Variants in CUZD1 observed in about 807,000 individuals in gnomAD.
The protein encoded by CUZD1 is CUB and zona pellucida like domains 1.
In CUZD1, 42 loss-of-function variants were observed where a neutral mutation model predicts 53.1. That is an observed-to-expected ratio of 0.79 (90% CI 0.62 to 1.02). The LOEUF is 1.02. Among genes scored for constraint, CUZD1 ranks in the 50% least tolerant of loss-of-function variants. The probability of loss-of-function intolerance (pLI) is 0.00; values close to 1 mark genes in which losing one functional copy is unlikely to be tolerated. For synonymous variants in CUZD1, 238 were observed against 257.2 expected, an observed-to-expected ratio of 0.93 and a Z score of 0.71; for missense variants, 670 against 715.7, an observed-to-expected ratio of 0.94 and a Z score of 0.73.
intron 5 of CUZD1, 72 bp downstream of exon 5, chr10:122,836,758 TA>T (rs1566232319): frequency 8.0e-7 from 1 of 1,253,980 alleles, no homozygotes; most frequent in Non-Finnish European, 1.2e-6. Flanking sequence ...ACAGGTAGGC[TA>T]AAAATTAACA....
Position 122,836,163 on chromosome 10 carries a change from A to G in CUZD1, c.990+15T>C. ...CAGCATTTGACAAAATCCAGCTATC[A>G]GTATTTCACTTTACCTTTCTGATTG... On this transcript the variant is annotated intron_variant, in intron 6 of 8. Transcript: ENST00000392790. 6.3e-7 allele frequency: 1 copy of G among 1,587,484 alleles called. No homozygotes were observed. Among genetic ancestry groups the G allele is most frequent in the Non-Finnish European group, 8.5e-7 (1 of 1,169,768 alleles).
At chr10:122,832,709 C>G (rs1847179011) in intron 8 of CUZD1, among the ~76,000 whole-genome samples, 1 of 151,892 alleles carries the variant, frequency 6.6e-6, no homozygotes, top group African/African-American at 2.4e-5. Context: ...AACACTCAAG[C>G]ATAACAGTCA....
chr10:122,838,634 A>AGAAGATACCAGGG (rs1266058046), intron 3 of CUZD1, among the ~76,000 whole-genome samples: 43 of 152,310 alleles, frequency 2.8e-4, no homozygotes, highest in Admixed American at 1.1e-3. Flanking sequence ...CTGAAGAGGC[A>AGAAGATACCAGGG]TTGCAGAAGA....
At chr10:122,833,203 C>A (rs865776288) in intron 8 of CUZD1, among the ~76,000 whole-genome samples, 1 of 152,032 alleles carries the variant, frequency 6.6e-6, no homozygotes, top group South Asian at 2.1e-4. Context: ...AGGTTTCAAG[C>A]CTTTCAAAAG....
intron 7 of CUZD1, 96 bp downstream of exon 7, chr10:122,834,610 A>G (rs1847216661): frequency 1.0e-6 from 1 of 974,560 alleles, no homozygotes; most frequent in Admixed American, 2.9e-5. Flanking sequence ...AGTGCTAGGA[A>G]AAATGTATAT....
Position 122,841,215 on chromosome 10 carries a change from C to G in CUZD1, c.196G>C (p.Glu66Gln), listed in dbSNP as rs1371794214. Residue 66 changes from glutamate (E) to glutamine (Q), a missense_variant, in exon 2 of 9, where the codon GAA becomes CAA. Transcript: ENST00000392790. ...AAGATAATTCTGATGCTTTTGTTTT[C>G]TGGTCTTTCTATTGTCCAGGTGCAG... ...ENCTWTIERP[E>Q]NKSIRIIFSY... 6.2e-7 allele frequency: 1 copy of G among 1,613,808 alleles called. No homozygotes were observed.
In CUZD1 at chr10:122,832,443, C is replaced by A. The variant is rs201620290; in HGVS notation, c.1659G>T (p.Gln553His). The A allele has an allele frequency of 6.2e-7, 1 of 1,612,596 alleles. No individual in the cohort carries two copies. Among genetic ancestry groups the A allele is most frequent in the Non-Finnish European group, 8.5e-7 (1 of 1,179,368 alleles). Residue 553 changes from glutamine (Q) to histidine (H), a missense_variant, in exon 9 of 9, where the codon CAG (glutamine) becomes CAT (histidine). Gln to His is a conservative substitution (Grantham distance 24). Coordinates refer to ENST00000392790, the MANE Select transcript of CUZD1 (RefSeq NM_022034.6). ...GAGTTTCTTCCGCATGTGTTTCATG[C>A]TGAAATCCTAAAATTGGAAACAAGA... ...DRSASGNSGF[Q>H]HETHAEETPN...
chr10:122,843,169 G>T (rs140753988), intron 1 of CUZD1, among the ~76,000 whole-genome samples: 4 of 152,038 alleles, frequency 2.6e-5, no homozygotes, highest in African/African-American at 9.7e-5. Context: ...TATATTCATC[G>T]CAACATTAGT....
In CUZD1 at chr10:122,832,428, C is replaced by T. The variant is rs150722442; in HGVS notation, c.1674G>A (p.Ala558=). The change falls in exon 9 of 9, where the codon GCG becomes GCA. Residue 558 remains alanine (A), a synonymous_variant. Coordinates refer to ENST00000392790, the MANE Select transcript of CUZD1 (RefSeq NM_022034.6). ...TGAAAGGCTGGTTTGGAGTTTCTTC[C>T]GCATGTGTTTCATGCTGAAATCCTA... ...GNSGFQHETH[A]EETPNQPFNS... 6.2e-6 allele frequency: 10 copies of T among 1,613,532 alleles called. No individual in the cohort carries two copies. Among genetic ancestry groups the T allele is most frequent in the African/African-American group, 5.3e-5 (4 of 74,912 alleles).
At position 122,837,403 on chromosome 10, in the gene CUZD1, C is replaced by A; in HGVS notation, c.599+1G>T. 6.2e-7 allele frequency: 1 copy of A among 1,614,076 alleles called. No individual in the cohort carries two copies. Among genetic ancestry groups the A allele is most frequent in the African/African-American group, 1.3e-5 (1 of 75,032 alleles). ...CAACAGAATTGGGCAGCAGTACTTA[C>A]AAAATCTCTTTGAAGTTTAGTTTTA... is the stretch of plus-strand genomic sequence containing the variant. On this transcript the variant is annotated splice_donor_variant, in intron 4 of 8. Transcript: ENST00000392790. LOFTEE classifies it high-confidence loss of function.
chr10:122,837,108 A>G, intron 4 of CUZD1, 60 bp from the exon 5 acceptor site: 1 of 1,248,118 alleles, frequency 8.0e-7, no homozygotes. Context: ...CTATTTTCTA[A>G]CATCCCAACA....
chr10:122,843,810 C>CATATATATAT lies in CUZD1; in HGVS notation c.82+1942_82+1951dup, dbSNP rs61634361. Among the ~76,000 whole-genome samples the CATATATATAT allele has an allele frequency of 1.9e-3, 259 of 137,356 alleles. 1 individual carries two copies. Among genetic ancestry groups the CATATATATAT allele is most frequent in the African/African-American group, 5.9e-3 (214 of 36,262 alleles). 90.1% of individuals were successfully genotyped at this position (137,356 alleles called of 152,430 possible). On this transcript the variant is annotated intron_variant, in intron 1 of 8. Transcript: ENST00000392790. ...CTTTCTTCATACATATATATACATA[C>CATATATATAT]ATATATATATATATATATATATGTC...
intron 6 of CUZD1, among the ~76,000 whole-genome samples, chr10:122,835,817 C>T (rs1285850283): frequency 6.6e-6 from 1 of 151,786 alleles, no homozygotes; most frequent in Non-Finnish European, 1.5e-5. Flanking sequence ...GAAGAAGATC[C>T]TAAAAATTTA....
At chr10:122,841,555 C>T (rs558282980) in intron 1 of CUZD1, among the ~76,000 whole-genome samples, 1 of 152,250 alleles carries the variant, frequency 6.6e-6, no homozygotes, top group African/African-American at 2.4e-5. Context: ...TATTAGGACC[C>T]GAAGAAGGAT....
chr10:122,832,939 T>C (rs1267878101), intron 8 of CUZD1, among the ~76,000 whole-genome samples: 4 of 152,246 alleles, frequency 2.6e-5, no homozygotes, highest in African/African-American at 9.6e-5. Context: ...GTGAATGCGT[T>C]TATAAAATTA....
In CUZD1 at chr10:122,836,956, C is replaced by A. The variant is rs144483251; in HGVS notation, c.692G>T (p.Arg231Leu). 1 of 1,614,042 alleles carries A rather than the reference C, an allele frequency of 6.2e-7. No homozygotes were observed. The highest frequency in any genetic ancestry group is 2.2e-5 in the East Asian group (1 of 44,880). ...NSGLIGQVCG[R>L]VTPTFESSSN... ...TGACGATTCGAAGGTGGGAGTCACA[C>A]GGCCACAGACTTGTCCAATCAGGCC... is the stretch of plus-strand genomic sequence containing the variant. Residue 231 changes from arginine (R) to leucine (L), a missense_variant, in exon 5 of 9, where the codon CGT becomes CTT. Physicochemically the swap from Arg to Leu is moderately radical, Grantham distance 102 (BLOSUM62 -2). Coordinates refer to ENST00000392790, the MANE Select transcript of CUZD1 (RefSeq NM_022034.6).
intron 3 of CUZD1, 60 bp from the exon 4 acceptor site, chr10:122,837,614 C>T: frequency 6.8e-7 from 1 of 1,472,148 alleles, no homozygotes; most frequent in Non-Finnish European, 9.1e-7. Context: ...CTTTTAATTT[C>T]TGTGTTGTGC....
At chr10:122,837,260 T>G in intron 4 of CUZD1, 144 bp downstream of exon 4, 1 of 888,524 alleles carries the variant, frequency 1.1e-6, no homozygotes, top group South Asian at 1.7e-5. Context: ...AATGGAATAG[T>G]ATCACTGTTT....
Position 122,832,348 on chromosome 10 carries a change from G to A in CUZD1, c.1754C>T (p.Ala585Val), listed in dbSNP as rs948370801. The A allele has an allele frequency of 1.7e-5, 28 of 1,613,954 alleles. No individual in the cohort carries two copies. The highest frequency in any genetic ancestry group is 2.2e-5 in the East Asian group (1 of 44,892). Residue 585 changes from alanine (A) to valine (V), a missense_variant, in exon 9 of 9, where the codon GCG (alanine) becomes GTG (valine). Physicochemically the swap from Ala to Val is moderately conservative, Grantham distance 64. Coordinates refer to ENST00000392790, the MANE Select transcript of CUZD1 (RefSeq NM_022034.6). Reference sequence around the variant, plus strand: ...TACAAAATGCCTCACTGTGATTGTCGCTACAGTCACCACATTCAGAGCTAG... The same window carrying A: ...TACAAAATGCCTCACTGTGATTGTCACTACAGTCACCACATTCAGAGCTAG... Reference protein sequence around the residue: ...MVLALNVVTVATITVRHFVNQ... With the variant: ...MVLALNVVTVVTITVRHFVNQ...
Sources: allele counts gnomAD v4.1 joint callset (sites outside exome capture counted in the v4.1 genomes callset), GRCh38; gene constraint gnomAD v4.1.1; transcripts MANE v1.5; gene names NCBI Gene and HGNC (gene_info 2026-07-23, HGNC 2026-07-21).